The following IAH1 variants were observed in gnomAD, a reference collection of about 807,000 sequenced individuals.
The protein encoded by IAH1 is isoamyl acetate hydrolyzing esterase 1 (putative), also known as isoamyl acetate-hydrolyzing esterase 1 homolog.
A neutral mutation model predicts 26.7 loss-of-function variants in IAH1; 24 were observed. That is an observed-to-expected ratio of 0.90 (90% CI 0.65 to 1.26). The LOEUF (loss-of-function observed/expected upper bound fraction) is 1.26, where lower values mean the gene tolerates loss of function less well. IAH1 is among the 50% of genes most tolerant of loss of function. The pLI, the probability that IAH1 is intolerant of heterozygous loss-of-function variation, is 0.00. For synonymous variants in IAH1, 140 were observed against 118.5 expected, an observed-to-expected ratio of 1.18 and a Z score of -1.18; for missense variants, 300 against 299.9, an observed-to-expected ratio of 1.00 and a Z score of 0.00.
chr2:9,479,795 CTTTTTTTTTTTTTTTTTTTTTT>C (rs5829216), intron 3 of IAH1, among the ~76,000 whole-genome samples: 2 of 69,872 alleles, frequency 2.9e-5, no homozygotes, highest in East Asian at 1.2e-3. Context: ...CTGTGTATTG[CTTTTTTTTTTTTTTTTTTTTTT>C]TTTTTTTTTT....
the IAH1 span, chr2:9,510,165 A>T: frequency 6.2e-7 from 1 of 1,611,914 alleles, no homozygotes; most frequent in South Asian, 1.1e-5. Context: ...ATTATTTCTC[A>T]ATATCCAGCC....
At chr2:9,492,660 A>C (rs1292071895), downstream of IAH1, among the ~76,000 whole-genome samples, 2 of 152,214 alleles carry the variant, frequency 1.3e-5, no homozygotes, top group Admixed American at 6.5e-5. Flanking sequence ...AAAAGTATAA[A>C]ATTCCTAAGA....
At chr2:9,500,438 C>T (rs975511714), downstream of IAH1, among the ~76,000 whole-genome samples, 8 of 152,152 alleles carry the variant, frequency 5.3e-5, no homozygotes, top group African/African-American at 1.4e-4. Context: ...CTAAAGGATA[C>T]AGGGTTTCTT....
At chr2:9,495,470 T>C (rs778314453) in intron 6 of IAH1, among the ~76,000 whole-genome samples, 2 of 152,200 alleles carry the variant, frequency 1.3e-5, no homozygotes, top group African/African-American at 2.4e-5. Context: ...CCCAGCACTT[T>C]GGGAGGCCAA....
intron 5 of IAH1, chr2:9,486,802 C>T (rs1047427767): frequency 6.6e-6 from 1 of 151,142 alleles, no homozygotes; most frequent in African/African-American, 2.4e-5. Flanking sequence ...GTTCTCTAGC[C>T]TGGGCAACAA....
chr2:9,502,439 T>C, the IAH1 span, among the ~76,000 whole-genome samples: 2 of 152,198 alleles, frequency 1.3e-5, no homozygotes, highest in Admixed American at 6.5e-5. Flanking sequence ...TAGAGCTACC[T>C]GCACACACTT....
chr2:9,488,111 A>G, intron 5 of IAH1, 36 bp from the exon 6 acceptor site: 1 of 1,480,374 alleles, frequency 6.8e-7, no homozygotes, highest in Non-Finnish European at 9.1e-7. Context: ...ACACGTGGCC[A>G]GTTACCCACC....
chr2:9,501,040 T>G (rs1662969366), downstream of IAH1, among the ~76,000 whole-genome samples: 1 of 149,090 alleles, frequency 6.7e-6, no homozygotes. Context: ...ATTTCTGTTC[T>G]GAGAATGGCA....
intron 2 of IAH1, among the ~76,000 whole-genome samples, chr2:9,477,631 CAGGG>C (rs958004381): frequency 3.3e-5 from 5 of 150,828 alleles, no homozygotes; most frequent in Admixed American, 3.3e-4. Context: ...CCTAGTCACA[CAGGG>C]AGCCGAGAAA....
chr2:9,505,056 C>A, the IAH1 span: 1 of 1,214,210 alleles, frequency 8.2e-7, no homozygotes, highest in African/African-American at 1.5e-5. Context: ...TAAACAAACA[C>A]ACTCACACCC....
intron 5 of IAH1, chr2:9,485,307 T>C (rs1256450096): frequency 6.6e-6 from 1 of 152,332 alleles, no homozygotes; most frequent in Non-Finnish European, 1.5e-5. Context: ...GGAAGGAAGC[T>C]GGTCTCTGAA....
At chr2:9,509,431 T>C in the IAH1 span, among the ~76,000 whole-genome samples, 2 of 152,212 alleles carry the variant, frequency 1.3e-5, no homozygotes, top group African/African-American at 2.4e-5. Context: ...AATGATTCCA[T>C]TAATTATTCA....
chr2:9,474,506 C>CT (rs1469838107), upstream of IAH1: 2 of 1,038,788 alleles, frequency 1.9e-6, no homozygotes, highest in African/African-American at 3.5e-5. The surrounding 1 kb of genome is among the most constrained non-coding windows in gnomAD (Gnocchi z 4.3). Context: ...AACCCACGGG[C>CT]GGCCACTGCG....
At chr2:9,482,643 A>G (rs978705218) in intron 4 of IAH1, among the ~76,000 whole-genome samples, 4 of 152,346 alleles carry the variant, frequency 2.6e-5, no homozygotes, top group African/African-American at 9.6e-5. Context: ...GTGACTTCAC[A>G]GCTCAAGTCC....
chr2:9,487,827 TGTGTGTGCGCGC>T (rs774924946), intron 5 of IAH1, among the ~76,000 whole-genome samples: 9,547 of 96,706 alleles, frequency 0.099, 348 homozygotes, highest in Middle Eastern at 0.24. Flanking sequence ...TGTGTGTGTG[TGTGTGTGCGCGC>T]GCGCGCGCGC....
chr2:9,493,943 ATCTT>A, downstream of IAH1: 1 of 764,274 alleles, frequency 1.3e-6, no homozygotes, highest in Non-Finnish European at 2.1e-6. Context: ...ACGTTTTCCC[ATCTT>A]TGACACAAGG....
chr2:9,492,544 T>G (rs1345206154), downstream of IAH1, among the ~76,000 whole-genome samples: 6 of 152,330 alleles, frequency 3.9e-5, no homozygotes, highest in South Asian at 1.2e-3. Context: ...ATGCCGATGT[T>G]TGATATTTGC....
At chr2:9,482,581 C>T (rs919594028) in intron 4 of IAH1, among the ~76,000 whole-genome samples, 2 of 152,122 alleles carry the variant, frequency 1.3e-5, no homozygotes, top group Non-Finnish European at 2.9e-5. Context: ...GCTAAGTAAC[C>T]GGCCCAAGAT....
At chr2:9,475,787 G>C (rs1320313382) in intron 1 of IAH1, 200 bp from the exon 2 acceptor site, 3 of 608,626 alleles carry the variant, frequency 4.9e-6, no homozygotes, top group African/African-American at 1.9e-5. Flanking sequence ...AGGCTGTTTA[G>C]CTTTTGATAG....
Sources: allele counts gnomAD v4.1 joint callset (sites outside exome capture counted in the v4.1 genomes callset), GRCh38; gene constraint gnomAD v4.1.1; non-coding constraint Gnocchi (gnomAD v3.1); transcripts MANE v1.5; gene names NCBI Gene and HGNC (gene_info 2026-07-23, HGNC 2026-07-21).